The following GRID2 variants were observed in gnomAD, a reference collection of about 807,000 sequenced individuals.
GRID2 encodes the protein glutamate ionotropic receptor delta type subunit 2, also known as glutamate receptor ionotropic, delta-2.
GRID2 carries 33 observed loss-of-function variants against 114.8 expected under a neutral mutation model. That is an observed-to-expected ratio of 0.29 (90% CI 0.22 to 0.38). GRID2 has a LOEUF of 0.38. Ranked by LOEUF, GRID2 falls within the 10% of genes least tolerant of loss-of-function variation. The pLI, the probability that GRID2 is intolerant of heterozygous loss-of-function variation, is 1.00. For missense variants in GRID2, 1,184 were observed against 1,257.7 expected, an observed-to-expected ratio of 0.94 and a Z score of 0.89; for synonymous variants, 505 against 449.9, an observed-to-expected ratio of 1.12 and a Z score of -1.55.
At chr4:92,549,125 A>AAG (rs1003046420) in intron 1 of GRID2, among the ~76,000 whole-genome samples, 2 of 151,104 alleles carry the variant, frequency 1.3e-5, no homozygotes, top group Non-Finnish European at 3.0e-5. Flanking sequence ...TCTTCCGCAA[A>AAG]AAAAAAAAAA....
intron 9 of GRID2, among the ~76,000 whole-genome samples, chr4:93,419,778 A>C (rs1481421670): frequency 6.6e-6 from 1 of 152,072 alleles, no homozygotes; most frequent in Non-Finnish European, 1.5e-5. Flanking sequence ...AGATTTACTT[A>C]AAAGGTAGAA....
At chr4:93,027,468 A>G (rs1266264197) in intron 2 of GRID2, among the ~76,000 whole-genome samples, 1 of 152,112 alleles carries the variant, frequency 6.6e-6, no homozygotes, top group African/African-American at 2.4e-5. Context: ...CTGGTTGTAT[A>G]CTAAGAAGCC....
chr4:92,938,633 A>G (rs1750848812), intron 2 of GRID2, among the ~76,000 whole-genome samples: 2 of 146,412 alleles, frequency 1.4e-5, no homozygotes, highest in Admixed American at 1.5e-4. Flanking sequence ...TTACATATGT[A>G]TACATGTACC....
At chr4:93,117,404 A>G (rs577380536) in intron 4 of GRID2, among the ~76,000 whole-genome samples, 115 of 152,188 alleles carry the variant, frequency 7.6e-4, no homozygotes, top group African/African-American at 2.6e-3. Flanking sequence ...GAGAATCAAC[A>G]TACATTTACG....
chr4:92,705,214 GA>G (rs542808077), intron 2 of GRID2, among the ~76,000 whole-genome samples: 52 of 151,864 alleles, frequency 3.4e-4, no homozygotes, highest in African/African-American at 1.2e-3. Context: ...TAAACCAAAA[GA>G]AAAAAATCCA....
At position 93,617,206 on chromosome 4, in the gene GRID2, C is replaced by T. The variant is rs77900109; in HGVS notation, c.2194-9063C>T. Among the ~76,000 whole-genome samples the T allele has an allele frequency of 6.2e-3, 945 of 152,236 alleles. 14 individuals carry two copies. Among genetic ancestry groups the T allele is most frequent in the African/African-American group, 0.021 (873 of 41,558 alleles). ...AAAATTTTGTCCTTTTGTTTTCCCA[C>T]GGCACATTTTATTTGAAACCTAGTA... On this transcript the variant is annotated intron_variant, in intron 13 of 15. Coordinates refer to ENST00000282020, the MANE Select transcript of GRID2 (RefSeq NM_001510.4).
intron 2 of GRID2, among the ~76,000 whole-genome samples, chr4:93,012,871 G>A (rs541075392): frequency 5.9e-5 from 9 of 151,502 alleles, no homozygotes; most frequent in Non-Finnish European, 1.2e-4. Context: ...ATGTGTATAC[G>A]TGGGAATATA....
At chr4:92,991,271 A>G (rs1474204424) in intron 2 of GRID2, among the ~76,000 whole-genome samples, 1 of 152,214 alleles carries the variant, frequency 6.6e-6, no homozygotes. Context: ...AAAGGGATTT[A>G]TAAAGGACAT....
chr4:93,316,517 G>C (rs1259033697), intron 8 of GRID2, among the ~76,000 whole-genome samples: 1 of 152,114 alleles, frequency 6.6e-6, no homozygotes, highest in Admixed American at 6.6e-5. Flanking sequence ...CCAAACAGGA[G>C]GTTCATTTTA....
chr4:92,725,968 A>G (rs910874330), intron 2 of GRID2, among the ~76,000 whole-genome samples: 1 of 152,128 alleles, frequency 6.6e-6, no homozygotes, highest in Non-Finnish European at 1.5e-5. Flanking sequence ...ACTCTAAAAC[A>G]TGGAAAAAGG....
intron 14 of GRID2, among the ~76,000 whole-genome samples, chr4:93,694,045 G>A (rs1297709906): frequency 6.6e-6 from 1 of 152,134 alleles, no homozygotes; most frequent in Non-Finnish European, 1.5e-5. Flanking sequence ...TAGTCAAAAG[G>A]TAGGAGAGTT....
chr4:92,898,599 T>G (rs1747340532), intron 2 of GRID2, among the ~76,000 whole-genome samples: 1 of 152,172 alleles, frequency 6.6e-6, no homozygotes, highest in South Asian at 2.1e-4. Flanking sequence ...ATTGGATGAT[T>G]GCAGAAGAGG....
intron 2 of GRID2, among the ~76,000 whole-genome samples, chr4:92,891,466 G>C (rs1292460535): frequency 6.6e-6 from 1 of 152,140 alleles, no homozygotes; most frequent in Non-Finnish European, 1.5e-5. Context: ...TTGTTTATCT[G>C]TTCTCTAAAT....
At chr4:92,750,422 G>T (rs1343374254) in intron 2 of GRID2, among the ~76,000 whole-genome samples, 2 of 152,148 alleles carry the variant, frequency 1.3e-5, no homozygotes, top group African/African-American at 4.8e-5. Flanking sequence ...ATTTGTGAAT[G>T]AAAATATTAG....
chr4:93,519,335 C>T (rs1186929096), intron 13 of GRID2, among the ~76,000 whole-genome samples: 1 of 152,162 alleles, frequency 6.6e-6, no homozygotes, highest in African/African-American at 2.4e-5. Flanking sequence ...CAGCAACATT[C>T]TGAAATTACA....
chr4:92,511,120 T>C (rs1340021988), intron 1 of GRID2, among the ~76,000 whole-genome samples: 1 of 151,848 alleles, frequency 6.6e-6, no homozygotes, highest in Non-Finnish European at 1.5e-5. Context: ...CATTGTTCTG[T>C]AGGCTGTACA....
At chr4:93,094,431 T>C (rs2149332779) in intron 3 of GRID2, among the ~76,000 whole-genome samples, 1 of 152,202 alleles carries the variant, frequency 6.6e-6, no homozygotes, top group Middle Eastern at 3.4e-3. Flanking sequence ...TTATTTTGGT[T>C]AATTTTGTTT....
chr4:92,592,121 T>C (rs1728731529), intron 2 of GRID2, among the ~76,000 whole-genome samples: 1 of 152,072 alleles, frequency 6.6e-6, no homozygotes, highest in Non-Finnish European at 1.5e-5. Flanking sequence ...ATTTTAAAGA[T>C]ATATTCAATA....
At chr4:92,722,501 G>T (rs917860662) in intron 2 of GRID2, among the ~76,000 whole-genome samples, 3 of 152,048 alleles carry the variant, frequency 2.0e-5, no homozygotes, top group African/African-American at 7.2e-5. Flanking sequence ...TTAACCAAAA[G>T]AAACTATTGT....
Sources: allele counts gnomAD v4.1 joint callset (sites outside exome capture counted in the v4.1 genomes callset), GRCh38; gene constraint gnomAD v4.1.1; transcripts MANE v1.5; gene names NCBI Gene and HGNC (gene_info 2026-07-23, HGNC 2026-07-21).